The following OVAAL variants were observed in gnomAD, a reference collection of about 807,000 sequenced individuals.
OVAAL encodes the protein ovarian adenocarcinoma amplified long non-coding RNA.
At chr1:180,564,759 T>C (rs547373816) in intron 2 of OVAAL, among the ~76,000 whole-genome samples, 312 of 152,144 alleles carry the variant, frequency 2.1e-3, no homozygotes, top group Non-Finnish European at 3.4e-3. Context: ...CTTTGCTTGA[T>C]CTCCTAGGCC....
intron 2 of OVAAL, among the ~76,000 whole-genome samples, chr1:180,564,781 C>A (rs1653263901): frequency 6.6e-6 from 1 of 152,034 alleles, no homozygotes; most frequent in South Asian, 2.1e-4. Flanking sequence ...GTGGTTCTCA[C>A]CCCTGGCTGC....
chr1:180,563,913 TAGAG>T (rs1287757735), intron 2 of OVAAL, among the ~76,000 whole-genome samples: 2 of 152,122 alleles, frequency 1.3e-5, no homozygotes, highest in African/African-American at 4.8e-5. Context: ...ATTATTATTT[TAGAG>T]AGACAGTTAA....
intron 2 of OVAAL, among the ~76,000 whole-genome samples, chr1:180,563,886 G>A (rs1362113748): frequency 6.6e-6 from 1 of 152,058 alleles, no homozygotes; most frequent in Non-Finnish European, 1.5e-5. Flanking sequence ...GCCTTTCCCT[G>A]GAGCTGGCTG....
chr1:180,559,670 G>A (rs1232668009), intron 1 of OVAAL, among the ~76,000 whole-genome samples: 1 of 152,150 alleles, frequency 6.6e-6, no homozygotes, highest in Non-Finnish European at 1.5e-5. Flanking sequence ...CACTTTGGGA[G>A]GCCGAGGTGG....
exon 3 of OVAAL, chr1:180,565,971 C>G (rs1351762435): frequency 1.3e-5 from 2 of 152,176 alleles, no homozygotes; most frequent in Non-Finnish European, 2.9e-5. Context: ...AGCATTTCAC[C>G]CAGCCAATAA....
intron 2 of OVAAL, among the ~76,000 whole-genome samples, chr1:180,564,358 G>A (rs1051437826): frequency 4.0e-5 from 6 of 151,834 alleles, no homozygotes; most frequent in East Asian, 1.9e-4. Flanking sequence ...AAATTATCAC[G>A]GTTTATTTGA....
intron 2 of OVAAL, among the ~76,000 whole-genome samples, chr1:180,563,392 G>A (rs1249241081): frequency 1.3e-5 from 2 of 152,136 alleles, no homozygotes; most frequent in East Asian, 1.9e-4. Flanking sequence ...TGGAGAATTC[G>A]TACGGGTCGG....
chr1:180,563,563 G>A (rs569774454), intron 2 of OVAAL, among the ~76,000 whole-genome samples: 7 of 152,074 alleles, frequency 4.6e-5, no homozygotes, highest in Non-Finnish European at 1.0e-4. Context: ...TTTGACTTAG[G>A]GTTTTATATG....
intron 2 of OVAAL, among the ~76,000 whole-genome samples, chr1:180,564,870 G>C (rs911628039): frequency 1.4e-4 from 21 of 152,284 alleles, no homozygotes; most frequent in African/African-American, 5.1e-4. Flanking sequence ...GGGATCTCCA[G>C]GGGCAGGCTG....
intron 2 of OVAAL, among the ~76,000 whole-genome samples, chr1:180,563,974 G>A (rs1294009032): frequency 6.6e-6 from 1 of 152,144 alleles, no homozygotes; most frequent in Non-Finnish European, 1.5e-5. Flanking sequence ...TCCCGGTGGG[G>A]TGTGGGGACC....
chr1:180,561,996 C>G (rs1653213854), intron 1 of OVAAL, among the ~76,000 whole-genome samples: 1 of 149,924 alleles, frequency 6.7e-6, no homozygotes. Context: ...GCACTCCAGC[C>G]TGGGCGAGAA....
At chr1:180,559,435 T>G (rs1448490704) in intron 1 of OVAAL, among the ~76,000 whole-genome samples, 1 of 152,206 alleles carries the variant, frequency 6.6e-6, no homozygotes, top group Non-Finnish European at 1.5e-5. Context: ...TTTTTGCCCC[T>G]GCCCTAGAGA....
intron 1 of OVAAL, among the ~76,000 whole-genome samples, chr1:180,561,436 C>T (rs562918197): frequency 1.2e-4 from 19 of 152,050 alleles, no homozygotes; most frequent in Admixed American, 5.9e-4. Context: ...GGGTGGAGCA[C>T]ACAGCAGGGA....
intron 1 of OVAAL, among the ~76,000 whole-genome samples, chr1:180,561,720 T>A (rs951009015): frequency 2.9e-5 from 3 of 104,498 alleles, no homozygotes; most frequent in Admixed American, 2.0e-4. Context: ...TTAATTTTAT[T>A]TTTTTTTTAA....
At chr1:180,565,499 G>A (rs1018426766) in exon 3 of OVAAL, 2 of 152,244 alleles carry the variant, frequency 1.3e-5, no homozygotes, top group African/African-American at 4.8e-5. Flanking sequence ...GGATACCGTT[G>A]ACAGCAGCAG....
intron 1 of OVAAL, chr1:180,559,007 A>T (rs796843390): frequency 7.2e-5 from 11 of 153,332 alleles, no homozygotes; most frequent in African/African-American, 2.4e-4. Context: ...GCCTTTCACC[A>T]CCCCCACACC....
chr1:180,563,283 C>T (rs534705701), intron 2 of OVAAL, among the ~76,000 whole-genome samples: 2 of 152,230 alleles, frequency 1.3e-5, no homozygotes, highest in South Asian at 4.1e-4. Context: ...CAAAGAAAAC[C>T]AGAGATCTCT....
chr1:180,559,333 GT>G lies in OVAAL; in HGVS notation n.373-2870del, dbSNP rs1653158305. Among the ~76,000 whole-genome samples, 4 of 152,178 alleles carry G rather than the reference GT, an allele frequency of 2.6e-5. No homozygotes were observed. The South Asian group carries it at 6.2e-4, about 24-fold the overall frequency. On this transcript the variant is annotated intron_variant and non_coding_transcript_variant, in intron 1 of 2. Coordinates refer to ENST00000673955, the Ensembl canonical transcript of OVAAL. ...TGCTGATAGTGATATGGACAATAAG[GT>G]CCAGGCTGAGGTGGTCTCAGATGGA...
At chr1:180,563,469 G>A (rs986916200) in intron 2 of OVAAL, among the ~76,000 whole-genome samples, 1 of 152,182 alleles carries the variant, frequency 6.6e-6, no homozygotes, top group Non-Finnish European at 1.5e-5. Context: ...AGGAGTGAAA[G>A]TTTATTAAAA....
Sources: allele counts gnomAD v4.1 joint callset (sites outside exome capture counted in the v4.1 genomes callset), GRCh38; gene constraint gnomAD v4.1.1; transcripts MANE v1.5; gene names NCBI Gene and HGNC (gene_info 2026-07-23, HGNC 2026-07-21).